The following VPS13D variants were observed in gnomAD, a reference collection of about 807,000 sequenced individuals.
VPS13D encodes intermembrane lipid transfer protein VPS13D.
A neutral mutation model predicts 461.9 loss-of-function variants in VPS13D; 187 were observed. That is an observed-to-expected ratio of 0.40 (90% CI 0.36 to 0.46). VPS13D has a LOEUF of 0.46. Ranked by LOEUF, VPS13D falls within the 20% of genes least tolerant of loss-of-function variation. The pLI is 0.60. For missense variants in VPS13D, 4,711 were observed against 5,364.9 expected (o/e 0.88, Z 3.81); for synonymous variants, 1,951 against 1,986.3 (o/e 0.98, Z 0.47).
At chr1:12,392,528 T>A in intron 60 of VPS13D, among the ~76,000 whole-genome samples, 2 of 136,332 alleles carry the variant, frequency 1.5e-5, no homozygotes, top group Admixed American at 1.5e-4. Context: ...ATTAAAATAA[T>A]ATTATTGTAT....
chr1:12,455,974 TCTC>T (rs757188915), intron 65 of VPS13D, 21 bp from the exon 66 acceptor site: 36 of 1,582,948 alleles, frequency 2.3e-5, no homozygotes, highest in African/African-American at 4.1e-5. Context: ...TTAAAACTCT[TCTC>T]CTGCTTTTAA....
At position 12,368,550 on chromosome 1, in the gene VPS13D, G is replaced by A. The variant is rs778955152; in HGVS notation, c.10531G>A (p.Asp3511Asn). ...GTATAGGATCTCATTTAGTGACACA[G>A]ATCAGTTACCTCCTCCTTTCCGAAT... ...ATYRISFSDTDQLPPPFRIDN... is the reference protein window; with the variant it reads ...ATYRISFSDTNQLPPPFRIDN... Residue 3511 changes from aspartate to asparagine, a missense_variant, in exon 53 of 70, where the codon GAT (aspartate) becomes AAT (asparagine). Asp to Asn is a conservative substitution (Grantham distance 23, BLOSUM62 1). Coordinates refer to ENST00000620676, the MANE Select transcript of VPS13D (RefSeq NM_015378.4). 46 of 1,613,672 alleles carry A rather than the reference G, an allele frequency of 2.9e-5. No homozygotes were observed. The Admixed American group carries it at 7.5e-4, about 26-fold the overall frequency.
At chr1:12,493,151 G>T (rs1383828132) in intron 67 of VPS13D, among the ~76,000 whole-genome samples, 3 of 144,930 alleles carry the variant, frequency 2.1e-5, no homozygotes, top group African/African-American at 5.1e-5. Flanking sequence ...CTTGAACTGA[G>T]GATAATAAGC....
intron 17 of VPS13D, among the ~76,000 whole-genome samples, chr1:12,272,552 T>G (rs1380164322): frequency 6.6e-6 from 1 of 152,144 alleles, no homozygotes; most frequent in Non-Finnish European, 1.5e-5. Context: ...GGAAGAACAA[T>G]GAACAAATCA....
chr1:12,368,204 T>G (rs779918790), intron 52 of VPS13D, among the ~76,000 whole-genome samples: 2 of 152,218 alleles, frequency 1.3e-5, no homozygotes, highest in Non-Finnish European at 2.9e-5. Flanking sequence ...TACACGTACA[T>G]TACATCCATC....
At chr1:12,429,646 G>A (rs1454039190) in intron 65 of VPS13D, among the ~76,000 whole-genome samples, 1 of 152,220 alleles carries the variant, frequency 6.6e-6, no homozygotes, top group Non-Finnish European at 1.5e-5. Flanking sequence ...ATATCTGTAA[G>A]CTGGTGAATA....
At chr1:12,432,218 A>C (rs1314523257) in intron 65 of VPS13D, among the ~76,000 whole-genome samples, 1 of 151,502 alleles carries the variant, frequency 6.6e-6, no homozygotes, top group Non-Finnish European at 1.5e-5. Flanking sequence ...ACTTGGAGAA[A>C]CCCCATCTCT....
chr1:12,370,837 G>A (rs1474990754), intron 54 of VPS13D, among the ~76,000 whole-genome samples: 1 of 152,150 alleles, frequency 6.6e-6, no homozygotes, highest in Non-Finnish European at 1.5e-5. Flanking sequence ...TTTAACTGAA[G>A]AATCCTAGTG....
At chr1:12,381,980 T>TTCTTTCTC (rs1318974573) in intron 57 of VPS13D, among the ~76,000 whole-genome samples, 398 of 130,974 alleles carry the variant, frequency 3.0e-3, no homozygotes, top group Middle Eastern at 3.7e-3. Flanking sequence ...CTTTCTTTCT[T>TTCTTTCTC]TCTCTCTCTC....
At chr1:12,398,377 T>C (rs1644527735) in intron 60 of VPS13D, among the ~76,000 whole-genome samples, 1 of 151,924 alleles carries the variant, frequency 6.6e-6, no homozygotes. Flanking sequence ...TTTTTTTTTT[T>C]GAGACGGAGT....
chr1:12,345,325 C>A, intron 42 of VPS13D, 49 bp from the exon 43 acceptor site: 1 of 1,551,192 alleles, frequency 6.4e-7, no homozygotes, highest in South Asian at 1.2e-5. Flanking sequence ...TACTTTTCAT[C>A]CCTTCTGGAG....
chr1:12,440,124 G>A (rs550201095), intron 65 of VPS13D, among the ~76,000 whole-genome samples: 6 of 152,360 alleles, frequency 3.9e-5, no homozygotes, highest in African/African-American at 1.4e-4. Flanking sequence ...CCAAGAACAA[G>A]TGATGCCTGG....
intron 54 of VPS13D, among the ~76,000 whole-genome samples, chr1:12,373,095 G>GTTTTTTTTTTTTTTTTTTTTTTTTTTTTT: frequency 2.7e-5 from 1 of 37,240 alleles, no homozygotes; most frequent in Non-Finnish European, 5.3e-5. Context: ...GTCTGGCTTG[G>GTTTTTTTTTTTTTTTTTTTTTTTTTTTTT]TTTTTTTTTT....
At chr1:12,345,636 G>A in intron 43 of VPS13D, 127 bp downstream of exon 43, 1 of 1,313,210 alleles carries the variant, frequency 7.6e-7, no homozygotes. Context: ...GACTGACTGG[G>A]TCAGTCATAG....
chr1:12,276,310 A>G lies in VPS13D; in HGVS notation c.2722A>G (p.Thr908Ala). ...FALLTTPEMK[T>A]SDTQIKEKIF... The stretch of plus-strand genomic sequence containing the variant: ...TCTCCTCACCACCCCAGAAATGAAA[A>G]CTTCTGACACTCAGATTAAAGAAAA... The change falls in exon 19 of 70, where the codon ACT becomes GCT. Residue 908 changes from threonine (T) to alanine (A), a missense_variant. Physicochemically the swap from Thr to Ala is moderately conservative, Grantham distance 58. This residue lies in a region of VPS13D where 4,411 missense variants were observed against 4,937.8 expected (regional missense o/e 0.89). Coordinates refer to ENST00000620676, the MANE Select transcript of VPS13D (RefSeq NM_015378.4). The surrounding 1 kb of genome is among the most constrained non-coding windows in gnomAD (Gnocchi z 4.5). 1 of 1,614,104 alleles carries G rather than the reference A, an allele frequency of 6.2e-7. No homozygotes were observed. Among genetic ancestry groups the G allele is most frequent in the East Asian group, 2.2e-5 (1 of 44,866 alleles).
rs1247308485 is a variant in VPS13D, at chr1:12,294,981, G to A, written c.6033+1277G>A. Among the ~76,000 whole-genome samples the A allele has an allele frequency of 2.0e-5, 3 of 151,948 alleles. No individual in the cohort carries two copies. The East Asian group carries it at 5.8e-4, about 29-fold the overall frequency. On this transcript the variant is annotated intron_variant, in intron 24 of 69. Coordinates refer to ENST00000620676, the MANE Select transcript of VPS13D (RefSeq NM_015378.4). ...CTCACACCTGTAATCCCAGCACTTT[G>A]GGGGGCGAGGCGGGCAAATCACTTG...
rs765142694 is a variant in VPS13D at position 12,277,680 on chromosome 1, C to T, written c.4092C>T (p.Asp1364=). ...ILEENEIYGF[D]LASSHLDTVK... is the part of the protein sequence containing the mutation. ...AGGAAAATGAAATATATGGGTTTGA[C>T]CTAGCTTCGTCTCATTTGGACACTG... The change falls in exon 19 of 70, where the codon GAC becomes GAT. Residue 1364 remains aspartate (D), a synonymous_variant. Coordinates refer to ENST00000620676, the MANE Select transcript of VPS13D (RefSeq NM_015378.4). 7 of 1,614,054 alleles carry T rather than the reference C, an allele frequency of 4.3e-6. No homozygotes were observed. Among genetic ancestry groups the T allele is most frequent in the African/African-American group, 2.7e-5 (2 of 74,914 alleles).
chr1:12,322,821 T>G, intron 34 of VPS13D, 75 bp downstream of exon 34: 1 of 1,327,502 alleles, frequency 7.5e-7, no homozygotes, highest in Non-Finnish European at 1.1e-6. Context: ...AATTTTCTTT[T>G]GCACAACTAA....
At position 12,502,887 on chromosome 1, in the gene VPS13D, T is replaced by G. The variant is rs1366891847; in HGVS notation, c.12795-3966T>G. 6.6e-6 allele frequency among the ~76,000 whole-genome samples: 1 copy of G among 152,156 alleles called. No individual in the cohort carries two copies. The highest frequency in any genetic ancestry group is 1.5e-5 in the Non-Finnish European group (1 of 68,032). Reference sequence around the variant, plus strand: ...CCATTAACTGCGGATCTCTTCTGTGTGGGGCACGTAGATTAGCTCACACCA... The same window carrying G: ...CCATTAACTGCGGATCTCTTCTGTGGGGGGCACGTAGATTAGCTCACACCA... On this transcript the variant is annotated intron_variant, in intron 68 of 69. Coordinates refer to ENST00000620676, the MANE Select transcript of VPS13D (RefSeq NM_015378.4). The surrounding 1 kb of genome is among the most constrained non-coding windows in gnomAD (Gnocchi z 4.3).
Sources: gnomAD v4.1 joint callset for allele counts (sites outside exome capture counted in the v4.1 genomes callset) on GRCh38, gnomAD v4.1.1 for gene constraint, gnomAD v4.1.1 regional missense constraint, Gnocchi (gnomAD v3.1) non-coding constraint, MANE v1.5 for transcripts, NCBI Gene and HGNC (gene_info 2026-07-23, HGNC 2026-07-21) for gene names.